KIF26B: variants seen among roughly 807,000 people sequenced by gnomAD.
The protein encoded by KIF26B is kinesin family member 26B, also known as kinesin-like protein KIF26B.
In KIF26B, 63 loss-of-function variants were observed where a neutral mutation model predicts 151.2. The observed-to-expected ratio is 0.42, with a 90% CI of 0.34 to 0.51. The LOEUF is 0.51. Ranked by LOEUF, KIF26B falls within the 20% of genes least tolerant of loss-of-function variation. The probability of loss-of-function intolerance (pLI) is 0.07; values close to 1 mark genes in which losing one functional copy is unlikely to be tolerated. For missense variants in KIF26B, 2,813 were observed against 2,913.6 expected (o/e 0.97, Z 0.79); for synonymous variants, 1,357 against 1,262.1 (o/e 1.08, Z -1.59).
At chr1:245,302,580 C>T (rs1176255961) in intron 2 of KIF26B, among the ~76,000 whole-genome samples, 1 of 152,162 alleles carries the variant, frequency 6.6e-6, no homozygotes, top group Non-Finnish European at 1.5e-5. Context: ...CATCACAGTC[C>T]TCACCTCCTC....
At chr1:245,184,316 G>A (rs558274264) in intron 2 of KIF26B, among the ~76,000 whole-genome samples, 150 of 151,978 alleles carry the variant, frequency 9.9e-4, no homozygotes, top group African/African-American at 3.3e-3. Context: ...TGAGCTCCAG[G>A]CCAGGTCTTA....
chr1:245,609,512 C>T lies in KIF26B; in HGVS notation c.1898C>T (p.Pro633Leu). 1 of 1,558,984 alleles carries T rather than the reference C, an allele frequency of 6.4e-7. No individual in the cohort carries two copies. The highest frequency in any genetic ancestry group is 1.4e-5 in the African/African-American group (1 of 73,808). The change falls in exon 8 of 15, where the codon CCC (proline) becomes CTC (leucine). Residue 633 changes from proline to leucine, a missense_variant. By Grantham distance (98) the Pro-to-Leu change is moderately conservative. This residue lies in a region of KIF26B where 2,060 missense variants were observed against 2,088.6 expected (regional missense o/e 0.99). Transcript: ENST00000407071. ...CCGGGCGTGTACCTCTGTGAGGACC[C>T]CATCTGCGGCACGCAGGTGATTGCT... ...QSPGVYLCED[P>L]ICGTQLQNQS... is the part of the protein sequence containing the mutation.
intron 3 of KIF26B, among the ~76,000 whole-genome samples, chr1:245,403,369 A>G (rs1329079849): frequency 6.6e-6 from 1 of 152,202 alleles, no homozygotes; most frequent in African/African-American, 2.4e-5. Context: ...GACTAATCCA[A>G]TTTGAGGTTC....
chr1:245,298,439 C>T (rs561671543), intron 2 of KIF26B, among the ~76,000 whole-genome samples: 16 of 152,238 alleles, frequency 1.1e-4, no homozygotes, highest in Admixed American at 9.2e-4. Context: ...TGGTTTTGCT[C>T]ATGTGACAGG....
intron 5 of KIF26B, among the ~76,000 whole-genome samples, chr1:245,596,045 TTC>T (rs2043333418): frequency 6.6e-6 from 1 of 152,234 alleles, no homozygotes; most frequent in African/African-American, 2.4e-5. Flanking sequence ...TATTTGATTC[TTC>T]TCTCTTTTCT....
chr1:245,345,163 G>A (rs950557740), intron 2 of KIF26B, among the ~76,000 whole-genome samples: 2 of 152,180 alleles, frequency 1.3e-5, no homozygotes, highest in Non-Finnish European at 2.9e-5. Flanking sequence ...CGCAAGTGAG[G>A]AGATGCTCAC....
At chr1:245,542,136 T>C (rs1483136432) in intron 5 of KIF26B, among the ~76,000 whole-genome samples, 1 of 152,186 alleles carries the variant, frequency 6.6e-6, no homozygotes, top group Non-Finnish European at 1.5e-5. Context: ...GAGAAGCACT[T>C]GAGGCTAGGA....
At position 245,685,449 on chromosome 1, in the gene KIF26B, C is replaced by G; in HGVS notation, c.2466C>G (p.Gly822=). The change falls in exon 12 of 15, where the codon GGC becomes GGG. Residue 822 remains glycine (G), a synonymous_variant. Coordinates refer to ENST00000407071, the MANE Select transcript of KIF26B (RefSeq NM_018012.4). The stretch of plus-strand genomic sequence containing the variant: ...GCGGGGAGAGCTCCTGCGAAGAAGG[C>G]CGCATGCGCAGGCCCACCCAGCTGA... ...SSGGESSCEE[G]RMRRPTQLRP... 1 of 1,613,432 alleles carries G rather than the reference C, an allele frequency of 6.2e-7. No homozygotes were observed. Among genetic ancestry groups the G allele is most frequent in the Non-Finnish European group, 8.5e-7 (1 of 1,179,710 alleles).
intron 5 of KIF26B, among the ~76,000 whole-genome samples, chr1:245,576,153 C>A (rs1324625974): frequency 5.3e-5 from 8 of 152,102 alleles, no homozygotes; most frequent in Non-Finnish European, 2.9e-5. Context: ...AACAATTAAG[C>A]CTCAGAGGAT....
At chr1:245,609,630 G>GCTTA in intron 8 of KIF26B, 102 bp downstream of exon 8, 1 of 1,262,296 alleles carries the variant, frequency 7.9e-7, no homozygotes, top group South Asian at 1.9e-5. Flanking sequence ...AAACTCAGAG[G>GCTTA]CTTACGGGTG....
At chr1:245,365,743 C>T (rs1303752774) in intron 2 of KIF26B, among the ~76,000 whole-genome samples, 1 of 152,162 alleles carries the variant, frequency 6.6e-6, no homozygotes, top group Non-Finnish European at 1.5e-5. Flanking sequence ...CCCAGTTCCC[C>T]CACGAACGGA....
intron 9 of KIF26B, among the ~76,000 whole-genome samples, chr1:245,617,127 G>A (rs1715785): frequency 0.66 from 100,701 of 151,986 alleles, 33,686 homozygotes; most frequent in East Asian, 0.89. Context: ...ACTGAGTCTC[G>A]CACTGTCACC....
chr1:245,555,238 A>G (rs76998262), intron 5 of KIF26B, among the ~76,000 whole-genome samples: 192 of 152,086 alleles, frequency 1.3e-3, no homozygotes, highest in African/African-American at 4.5e-3. Flanking sequence ...GAGGAGGGGA[A>G]AAGGATAAAG....
chr1:245,302,158 C>G (rs1671437353), intron 2 of KIF26B, among the ~76,000 whole-genome samples: 2 of 152,212 alleles, frequency 1.3e-5, no homozygotes, highest in African/African-American at 4.8e-5. Context: ...TCCCGCATTT[C>G]TAATGAATGT....
intron 4 of KIF26B, among the ~76,000 whole-genome samples, chr1:245,461,914 G>A (rs6674762): frequency 0.048 from 7,345 of 152,128 alleles, 578 homozygotes; most frequent in African/African-American, 0.17. Flanking sequence ...AGAAGTTTGA[G>A]ACCAGCCCTG....
chr1:245,477,703 C>T (rs553679178), intron 4 of KIF26B, among the ~76,000 whole-genome samples: 40 of 151,622 alleles, frequency 2.6e-4, no homozygotes, highest in African/African-American at 8.2e-4. Context: ...GAAGGGAGAG[C>T]GGGCCTGTCA....
At chr1:245,701,250 G>A (rs2044768154) in intron 14 of KIF26B, among the ~76,000 whole-genome samples, 1 of 152,176 alleles carries the variant, frequency 6.6e-6, no homozygotes, top group Non-Finnish European at 1.5e-5. Context: ...ATGAAAAAAA[G>A]GATCAATGAG....
chr1:245,213,935 C>G (rs549619945), intron 2 of KIF26B, among the ~76,000 whole-genome samples: 1 of 152,286 alleles, frequency 6.6e-6, no homozygotes, highest in Admixed American at 6.5e-5. Context: ...TGTCCACACC[C>G]CTTCCCATGA....
intron 2 of KIF26B, among the ~76,000 whole-genome samples, chr1:245,328,086 G>C (rs1177224552): frequency 1.3e-5 from 2 of 151,834 alleles, no homozygotes; most frequent in Non-Finnish European, 2.9e-5. Flanking sequence ...TGACAGGTGA[G>C]GGTGGGCAGG....
Sources: allele counts gnomAD v4.1 joint callset (sites outside exome capture counted in the v4.1 genomes callset), GRCh38; gene constraint gnomAD v4.1.1; regional missense constraint gnomAD v4.1.1; transcripts MANE v1.5; gene names NCBI Gene and HGNC (gene_info 2026-07-23, HGNC 2026-07-21).